ZNF536: variants seen among roughly 807,000 people sequenced by gnomAD.
The protein encoded by ZNF536 is zinc finger protein 536.
ZNF536 carries 13 observed loss-of-function variants against 84.5 expected under a neutral mutation model. The ratio of observed to expected loss-of-function variants is 0.15; its 90% confidence interval spans 0.10 to 0.24. The LOEUF (loss-of-function observed/expected upper bound fraction) is 0.24. Among genes scored for constraint, ZNF536 ranks in the 10% least tolerant of loss-of-function variants. The pLI is 1.00. For missense variants in ZNF536, 1,536 were observed against 1,747.5 expected, an observed-to-expected ratio of 0.88 and a Z score of 2.16; for synonymous variants, 811 against 742.5, an observed-to-expected ratio of 1.09 and a Z score of -1.50.
chr19:30,664,204 TTCTCTCTCTC>T lies in ZNF536; in HGVS notation c.170-46504_170-46495del, dbSNP rs71173915. Among the ~76,000 whole-genome samples, 553 of 90,702 alleles carry T rather than the reference TTCTCTCTCTC, an allele frequency of 6.1e-3. 9 individuals are homozygous for T. The highest frequency in any genetic ancestry group is 0.012 in the East Asian group (41 of 3,532). 59.5% of individuals were successfully genotyped at this position (90,702 alleles called of 152,430 possible). Reference sequence around the variant, plus strand: ...TATCTAGAGGAATTCTTGCTGAGTTTTCTCTCTCTCTCTCTCTCTCTCTCTCTCTCTCTCT... The same window carrying T: ...TATCTAGAGGAATTCTTGCTGAGTTTTCTCTCTCTCTCTCTCTCTCTCTCT... On this transcript the variant is annotated intron_variant, in intron 1 of 1. Coordinates refer to the ZNF536 transcript ENST00000592773.
chr19:30,606,687 T>A (rs924556399), intron 1 of ZNF536, among the ~76,000 whole-genome samples: 1 of 152,128 alleles, frequency 6.6e-6, no homozygotes, highest in Non-Finnish European at 1.5e-5. Flanking sequence ...GAGTGTGAAT[T>A]GAGTTGACTC....
chr19:30,535,098 A>G, intron 3 of ZNF536, 99 bp downstream of exon 3: 1 of 1,403,464 alleles, frequency 7.1e-7, no homozygotes, highest in Non-Finnish European at 9.6e-7. Flanking sequence ...GTGGGTCACT[A>G]ACTCTGGAAG....
chr19:30,527,338 T>C (rs1302915974), intron 2 of ZNF536, among the ~76,000 whole-genome samples: 4 of 151,266 alleles, frequency 2.6e-5, no homozygotes, highest in Non-Finnish European at 5.9e-5. Context: ...AGTTTTGAGT[T>C]TGGGTAGAGG....
chr19:30,265,055 G>C (rs1735927488), intron 1 of ZNF536, among the ~76,000 whole-genome samples: 1 of 152,042 alleles, frequency 6.6e-6, no homozygotes, highest in Non-Finnish European at 1.5e-5. Context: ...GTTTGTCACA[G>C]AGCTCTGCCT....
At chr19:30,679,344 G>T (rs2050877598) in intron 1 of ZNF536, among the ~76,000 whole-genome samples, 1 of 152,222 alleles carries the variant, frequency 6.6e-6, no homozygotes. Context: ...GAGGCCCTGG[G>T]CCGGGAAGGA....
At chr19:30,703,720 C>A (rs1461317027) in intron 1 of ZNF536, among the ~76,000 whole-genome samples, 1 of 152,206 alleles carries the variant, frequency 6.6e-6, no homozygotes, top group East Asian at 1.9e-4. Context: ...CTTAGATCAA[C>A]AGCAGGATGA....
Position 30,548,317 on chromosome 19 carries a change from A to G in ZNF536, c.2698A>G (p.Ile900Val). 2.5e-6 allele frequency: 4 copies of G among 1,614,150 alleles called. No individual in the cohort carries two copies. Among genetic ancestry groups the G allele is most frequent in the Non-Finnish European group, 2.5e-6 (3 of 1,180,026 alleles). ...LPSKSTHFSE[I>V]GRAYQSIVSN... ...TTCCAAAAGCACCCACTTCTCTGAG[A>G]TCGGAAGAGCTTATCAAAGCATTGT... Residue 900 changes from isoleucine (I) to valine (V), a missense_variant, in exon 4 of 5, where the codon ATC becomes GTC. By Grantham distance (29) the Ile-to-Val change is conservative. Transcript: ENST00000355537.
chr19:30,597,094 T>C (rs2047493017), intron 1 of ZNF536, among the ~76,000 whole-genome samples: 1 of 152,196 alleles, frequency 6.6e-6, no homozygotes, highest in Non-Finnish European at 1.5e-5. Flanking sequence ...GGCTGACCAG[T>C]CTAGGCATTT....
At chr19:30,616,732 T>C (rs1438789880) in intron 1 of ZNF536, among the ~76,000 whole-genome samples, 1 of 152,236 alleles carries the variant, frequency 6.6e-6, no homozygotes, top group Non-Finnish European at 1.5e-5. Flanking sequence ...ATGGGTGTCA[T>C]CTGTCTTGAG....
At chr19:30,466,837 A>AT (rs564967464) in intron 2 of ZNF536, among the ~76,000 whole-genome samples, 48 of 150,250 alleles carry the variant, frequency 3.2e-4, no homozygotes, top group African/African-American at 4.2e-4. Context: ...CATTTTAACC[A>AT]TTTTTTTTGT....
At chr19:30,298,187 T>A (rs2046069598) in intron 2 of ZNF536, among the ~76,000 whole-genome samples, 1 of 152,142 alleles carries the variant, frequency 6.6e-6, no homozygotes, top group Non-Finnish European at 1.5e-5. Flanking sequence ...CTCATGCCCT[T>A]CTTTAAGGAA....
chr19:30,491,256 G>A (rs1464091393), intron 2 of ZNF536, among the ~76,000 whole-genome samples: 1 of 152,096 alleles, frequency 6.6e-6, no homozygotes, highest in Non-Finnish European at 1.5e-5. Context: ...AAGAATTCTG[G>A]GGACATTGTT....
chr19:30,328,675 A>G (rs553455160), intron 2 of ZNF536, among the ~76,000 whole-genome samples: 8 of 152,240 alleles, frequency 5.3e-5, no homozygotes, highest in African/African-American at 1.9e-4. Context: ...ATTCCACCCT[A>G]TAGGAGGGAG....
intron 1 of ZNF536, among the ~76,000 whole-genome samples, chr19:30,694,534 C>A (rs773209057): frequency 6.6e-5 from 10 of 152,210 alleles, no homozygotes; most frequent in Non-Finnish European, 1.0e-4. Context: ...GGGTGCCAGG[C>A]AGCGGGAATA....
chr19:30,479,303 C>G lies in ZNF536; in HGVS notation c.2170+33571C>G, dbSNP rs146244606. ...AGATCCAGCTGTCAGGAAAAGAGAGCACCATGAGAATGGAGCAAGAGACTC... is the reference window on the plus strand; with the variant it reads ...AGATCCAGCTGTCAGGAAAAGAGAGGACCATGAGAATGGAGCAAGAGACTC... On this transcript the variant is annotated intron_variant, in intron 2 of 4. Coordinates refer to ENST00000355537, the MANE Select transcript of ZNF536 (RefSeq NM_014717.3). Among the ~76,000 whole-genome samples, 523 of 152,264 alleles carry G rather than the reference C, an allele frequency of 3.4e-3. 3 individuals carry two copies. Among genetic ancestry groups the G allele is most frequent in the African/African-American group, 0.012 (501 of 41,554 alleles).
At chr19:30,545,488 C>T (rs1477152074) in intron 3 of ZNF536, among the ~76,000 whole-genome samples, 1 of 149,308 alleles carries the variant, frequency 6.7e-6, no homozygotes, top group African/African-American at 2.5e-5. Flanking sequence ...AGCTCCGCCT[C>T]CCGGGTTTAC....
chr19:30,374,514 T>G lies in ZNF536; in HGVS notation c.-3+1958T>G, dbSNP rs2048731353. Among the ~76,000 whole-genome samples the G allele has an allele frequency of 2.0e-5, 3 of 152,182 alleles. No individual in the cohort carries two copies. The South Asian group carries it at 6.2e-4, about 32-fold the overall frequency. ...TAAATATAGTGTTTTTTTTTAATGT[T>G]AAAAATATATCTGGTGAGGCTAGAA... On this transcript the variant is annotated intron_variant, in intron 1 of 4. Coordinates refer to ENST00000355537, the MANE Select transcript of ZNF536 (RefSeq NM_014717.3).
chr19:30,312,412 C>T (rs1403937070), intron 2 of ZNF536, among the ~76,000 whole-genome samples: 2 of 152,132 alleles, frequency 1.3e-5, no homozygotes, highest in Non-Finnish European at 2.9e-5. Flanking sequence ...CTTGCTGGCC[C>T]GAGCGCACAG....
At chr19:30,597,536 G>T (rs1360135985) in intron 1 of ZNF536, among the ~76,000 whole-genome samples, 1 of 152,152 alleles carries the variant, frequency 6.6e-6, no homozygotes, top group South Asian at 2.1e-4. Context: ...ACACACGAAG[G>T]CATAGTAGGG....
Sources: allele counts gnomAD v4.1 joint callset (sites outside exome capture counted in the v4.1 genomes callset), GRCh38; gene constraint gnomAD v4.1.1; transcripts MANE v1.5; gene names NCBI Gene and HGNC (gene_info 2026-07-23, HGNC 2026-07-21).